SLC12A5: variants seen among roughly 807,000 people sequenced by gnomAD.
The protein encoded by SLC12A5 is K-Cl cotransporter 2.
Under a neutral mutation model 124.0 loss-of-function variants are expected in SLC12A5, and 18 were observed. The observed-to-expected ratio is 0.15, with a 90% CI of 0.10 to 0.22. SLC12A5 has a LOEUF of 0.22. Ranked by LOEUF, SLC12A5 falls within the 10% of genes least tolerant of loss-of-function variation. SLC12A5 has a pLI of 1.00. For missense variants in SLC12A5, 867 were observed against 1,478.7 expected, an observed-to-expected ratio of 0.59 and a Z score of 6.78; for synonymous variants, 589 against 568.0, an observed-to-expected ratio of 1.04 and a Z score of -0.53.
chr20:46,040,883 T>C (rs1406441572), intron 7 of SLC12A5: 11 of 521,930 alleles, frequency 2.1e-5, no homozygotes, highest in Non-Finnish European at 3.7e-5. Flanking sequence ...TGGGAATGAG[T>C]TCCAAAGCAA....
intron 6 of SLC12A5, 44 bp from the exon 7 acceptor site, chr20:46,040,329 G>C: frequency 6.2e-7 from 1 of 1,607,090 alleles, no homozygotes; most frequent in South Asian, 1.1e-5. Context: ...TAGTGCAAAG[G>C]GCTGCTGACT....
intron 1 of SLC12A5, among the ~76,000 whole-genome samples, chr20:46,031,588 AG>A (rs2057242243): frequency 6.6e-6 from 1 of 152,216 alleles, no homozygotes; most frequent in Non-Finnish European, 1.5e-5. Context: ...AGAAGAGCCC[AG>A]GGATGTGTCC....
chr20:46,049,799 A>T lies in SLC12A5; in HGVS notation c.2181+9A>T. On this transcript the variant is annotated intron_variant, in intron 17 of 25. Transcript: ENST00000243964. The stretch of plus-strand genomic sequence containing the variant: ...CCCAGCGGGCAGAAGAGGTGAGCAG[A>T]GGCCCTGGTTGGGCTTGGGAAAAGG... The T allele has an allele frequency of 6.3e-7, 1 of 1,580,414 alleles. No individual in the cohort carries two copies.
chr20:46,058,710 C>A lies in SLC12A5; in HGVS notation c.*1105C>A, dbSNP rs550034476. On this transcript the variant is annotated 3_prime_UTR_variant, in exon 26 of 26. Transcript: ENST00000243964. This position sits in a 1 kb window ranked among gnomAD's most constrained non-coding sequence, Gnocchi z 5.8. Reference sequence around the variant, plus strand: ...ATTGTGGAGCTGGAGGGCGCCCCCTCCCCGGAGTTTCCTCCCTGGGACAAG... The same window carrying A: ...ATTGTGGAGCTGGAGGGCGCCCCCTACCCGGAGTTTCCTCCCTGGGACAAG... 1 of 399,092 alleles carries A rather than the reference C, an allele frequency of 2.5e-6. No individual in the cohort carries two copies. Among genetic ancestry groups the A allele is most frequent in the African/African-American group, 2.1e-5 (1 of 48,776 alleles). The allele number at this position is 399,092 out of a possible 1,614,324, so 24.7% of individuals were successfully genotyped here. A position where few individuals can be genotyped will look rare whatever the true frequency, so the allele number is the denominator to read the frequency against.
intron 11 of SLC12A5, 145 bp downstream of exon 11, chr20:46,044,078 T>G (rs1359584675): frequency 1.5e-6 from 1 of 655,566 alleles, no homozygotes. Context: ...CAAAGTCATC[T>G]TCTTATATTT....
In SLC12A5 at chr20:46,047,472, C is replaced by A. The variant is rs140595322; in HGVS notation, c.1806C>A (p.Gly602=). The A allele has an allele frequency of 5.0e-6, 8 of 1,614,056 alleles. No individual in the cohort carries two copies. The East Asian group carries it at 1.6e-4, about 31-fold the overall frequency. ...TGTCTAGGACCCTCTCCTTCCTGGG[C>A]ATGAGCCTCTGCCTGGCCCTCATGT... is the stretch of plus-strand genomic sequence containing the variant. ...RYYHWTLSFL[G]MSLCLALMFI... The change falls in exon 15 of 26, where the codon GGC becomes GGA. Residue 602 remains glycine (G), a synonymous_variant. Coordinates refer to ENST00000243964, the MANE Select transcript of SLC12A5 (RefSeq NM_020708.5).
At chr20:46,029,803 T>A (rs1685887379) in intron 1 of SLC12A5, among the ~76,000 whole-genome samples, 3 of 151,660 alleles carry the variant, frequency 2.0e-5, no homozygotes. Flanking sequence ...GGGGGCGCAG[T>A]CTGCTGCAGT....
chr20:46,040,449 T>A lies in SLC12A5; in HGVS notation c.689T>A (p.Met230Lys), dbSNP rs2084535623. The A allele has an allele frequency of 6.2e-7, 1 of 1,614,238 alleles. No homozygotes were observed. The highest frequency in any genetic ancestry group is 8.5e-7 in the Non-Finnish European group (1 of 1,180,048). ...SGEAAAMLNNMRVYGTCVLTC... is the reference protein window; with the variant it reads ...SGEAAAMLNNKRVYGTCVLTC... ...GAGGCAGCAGCCATGCTGAACAACA[T>A]GCGTGTTTACGGCACCTGTGTGCTC... The change falls in exon 7 of 26, where the codon ATG (methionine) becomes AAG (lysine). Residue 230 changes from methionine to lysine, a missense_variant. Transcript: ENST00000243964.
chr20:46,047,016 G>T (rs6104441), intron 14 of SLC12A5, among the ~76,000 whole-genome samples: 8,910 of 152,318 alleles, frequency 0.058, 872 homozygotes, highest in African/African-American at 0.2. Context: ...AAGAGGGCAA[G>T]GGACCGGCCC....
chr20:46,047,924 T>C, intron 15 of SLC12A5, 57 bp from the exon 16 acceptor site: 3 of 1,500,822 alleles, frequency 2.0e-6, no homozygotes, highest in Non-Finnish European at 2.7e-6. Context: ...GTGTAGATGG[T>C]TCTCCCTGCC....
chr20:46,047,859 TAC>T lies in SLC12A5; in HGVS notation c.1908-118_1908-117del, dbSNP rs146833148. ...TGGTTGAGTCTGTTGGCAGGAGTGATACACATGTCCTTTCTGAGCCTGAGAGA... is the reference window on the plus strand; with the variant it reads ...TGGTTGAGTCTGTTGGCAGGAGTGATACATGTCCTTTCTGAGCCTGAGAGA... On this transcript the variant is annotated intron_variant, in intron 15 of 25. Coordinates refer to ENST00000243964, the MANE Select transcript of SLC12A5 (RefSeq NM_020708.5). The T allele has an allele frequency of 1.9e-4, 186 of 974,018 alleles. 2 individuals carry two copies. In the African/African-American group the frequency reaches 2.9e-3, roughly 15 times the overall value. 60.3% of individuals were successfully genotyped at this position (974,018 alleles called of 1,614,324 possible). A position where few individuals can be genotyped will look rare whatever the true frequency, so the allele number is the denominator to read the frequency against.
At chr20:46,025,207 G>A (rs1197698296), upstream of SLC12A5, among the ~76,000 whole-genome samples, 3 of 152,164 alleles carry the variant, frequency 2.0e-5, no homozygotes, top group Non-Finnish European at 2.9e-5. Context: ...GAAGCTGTCT[G>A]CCTTCTCTAG....
chr20:46,036,185 T>G (rs1261222083), intron 4 of SLC12A5: 1 of 412,886 alleles, frequency 2.4e-6, no homozygotes, highest in Non-Finnish European at 4.3e-6. Flanking sequence ...ATGATAAGGG[T>G]AGGGAAGAAA....
rs190569382 is a variant in SLC12A5 at position 46,049,394 on chromosome 20, G to A, written c.2013-228G>A. ...TAAAGAAATATGCATATGAGTGGAT[G>A]ACTGAAGGATAAAATAGGTGGGTGG... On this transcript the variant is annotated intron_variant, in intron 16 of 25. Coordinates refer to ENST00000243964, the MANE Select transcript of SLC12A5 (RefSeq NM_020708.5). Among the ~76,000 whole-genome samples, 42 of 152,338 alleles carry A rather than the reference G, an allele frequency of 2.8e-4. No homozygotes were observed. In the East Asian group the frequency reaches 7.5e-3, roughly 27 times the overall value.
In SLC12A5 at chr20:46,056,163, C is replaced by G; in HGVS notation, c.2801C>G (p.Thr934Arg). The G allele has an allele frequency of 6.2e-7, 1 of 1,614,142 alleles. No homozygotes were observed. Among genetic ancestry groups the G allele is most frequent in the Non-Finnish European group, 8.5e-7 (1 of 1,180,000 alleles). Residue 934 changes from threonine to arginine, a missense_variant, in exon 22 of 26, where the codon ACA becomes AGA. Transcript: ENST00000243964. This position sits in a 1 kb window ranked among gnomAD's most constrained non-coding sequence, Gnocchi z 4.3. ...NEREREIQSI[T>R]DESRGSIRRK... ...GTCACTCCCTAGATCCAGAGTATCA[C>G]AGATGAGTCACGAGGCTCAATCCGG...
intron 8 of SLC12A5, among the ~76,000 whole-genome samples, chr20:46,042,170 A>C (rs2084553893): frequency 6.6e-6 from 1 of 152,182 alleles, no homozygotes; most frequent in African/African-American, 2.4e-5. Context: ...GCGATGTAGG[A>C]GAGGCTGGCA....
At chr20:46,029,165 G>GGT, upstream of SLC12A5, 1 of 1,415,184 alleles carries the variant, frequency 7.1e-7, no homozygotes, top group Admixed American at 3.3e-5. Flanking sequence ...GGCGCGCGCG[G>GGT]GTGTGAGCGT....
At chr20:46,022,814 G>A in intron 1 of SLC12A5, 1 of 399,174 alleles carries the variant, frequency 2.5e-6, no homozygotes, top group Non-Finnish European at 4.4e-6. Flanking sequence ...GCCTTCGGTG[G>A]AGAAGTAGCA....
At position 46,058,473 on chromosome 20, in the gene SLC12A5, G is replaced by C. The variant is rs1032835471; in HGVS notation, c.*868G>C. 31 of 399,216 alleles carry C rather than the reference G, an allele frequency of 7.8e-5. No individual in the cohort carries two copies. In the Admixed American group the frequency reaches 9.2e-4, roughly 12 times the overall value. 24.7% of individuals were successfully genotyped at this position (399,216 alleles called of 1,614,324 possible). On this transcript the variant is annotated 3_prime_UTR_variant, in exon 26 of 26. Coordinates refer to ENST00000243964, the MANE Select transcript of SLC12A5 (RefSeq NM_020708.5). The surrounding 1 kb of genome is among the most constrained non-coding windows in gnomAD (Gnocchi z 5.8). ...CCCAGCGGACGTGAGCTTCCACTGC[G>C]GCTGCAGAGACGCGAGCAACCTCTT...
Sources: allele counts gnomAD v4.1 joint callset (sites outside exome capture counted in the v4.1 genomes callset), GRCh38; gene constraint gnomAD v4.1.1; non-coding constraint Gnocchi (gnomAD v3.1); transcripts MANE v1.5; gene names NCBI Gene and HGNC (gene_info 2026-07-23, HGNC 2026-07-21).